Variants in MAP4K4 observed in about 807,000 individuals in gnomAD.
MAP4K4 encodes HPK/GCK-like kinase HGK.
MAP4K4 carries 38 observed loss-of-function variants against 189.6 expected under a neutral mutation model. The observed-to-expected ratio is 0.20, with a 90% CI of 0.15 to 0.26. The LOEUF (loss-of-function observed/expected upper bound fraction) is 0.26. Ranked by LOEUF, MAP4K4 falls within the 10% of genes least tolerant of loss-of-function variation. The pLI is 1.00. For missense variants in MAP4K4, 1,054 were observed against 1,726.9 expected, an observed-to-expected ratio of 0.61 and a Z score of 6.91; for synonymous variants, 610 against 624.3, an observed-to-expected ratio of 0.98 and a Z score of 0.34.
At chr2:101,751,025 AC>A (rs1247020525) in intron 2 of MAP4K4, among the ~76,000 whole-genome samples, 1 of 151,956 alleles carries the variant, frequency 6.6e-6, no homozygotes, top group Non-Finnish European at 1.5e-5. Context: ...CAACACTGAT[AC>A]CTGCCACTGG....
At chr2:101,837,585 A>C (rs1272133315) in intron 9 of MAP4K4, among the ~76,000 whole-genome samples, 1 of 152,164 alleles carries the variant, frequency 6.6e-6, no homozygotes, top group East Asian at 1.9e-4. Context: ...ACGGGTGGCC[A>C]CGCCTAGGGA....
At chr2:101,879,611 C>T (rs755615233) in intron 27 of MAP4K4, among the ~76,000 whole-genome samples, 11 of 152,194 alleles carry the variant, frequency 7.2e-5, no homozygotes, top group Non-Finnish European at 1.6e-4. Context: ...GATAAGCATA[C>T]AGCTCAATGA....
chr2:101,759,996 A>C (rs373057417), intron 2 of MAP4K4, among the ~76,000 whole-genome samples: 11 of 151,600 alleles, frequency 7.3e-5, no homozygotes, highest in East Asian at 4.0e-4. Context: ...GGTGCACGCC[A>C]CCACACCTGG....
In MAP4K4 at chr2:101,740,274, C is replaced by T. The variant is rs1304421742; in HGVS notation, c.123+41736C>T. 2.4e-5 allele frequency among the ~76,000 whole-genome samples: 3 copies of T among 124,402 alleles called. 1 individual carries two copies. Among genetic ancestry groups the T allele is most frequent in the African/African-American group, 1.5e-4 (3 of 19,412 alleles). 81.6% of individuals were successfully genotyped at this position (124,402 alleles called of 152,430 possible). ...GTTCACGCTATTCTCCTGCCTCAGC[C>T]TCCCAAGTAGCTGGGACTACAGGCG... is the stretch of plus-strand genomic sequence containing the variant. On this transcript the variant is annotated intron_variant, in intron 2 of 32. Transcript: ENST00000324219.
At chr2:101,803,338 A>G (rs1223190547) in intron 3 of MAP4K4, among the ~76,000 whole-genome samples, 1 of 151,910 alleles carries the variant, frequency 6.6e-6, no homozygotes, top group Non-Finnish European at 1.5e-5. Flanking sequence ...CCATGAAACT[A>G]TTTGATGATT....
chr2:101,852,138 T>TG (rs2097305639), intron 12 of MAP4K4, among the ~76,000 whole-genome samples: 1 of 140,396 alleles, frequency 7.1e-6, no homozygotes, highest in Non-Finnish European at 1.6e-5. Context: ...AAAGGAGGTG[T>TG]TTTTTTTTTT....
chr2:101,748,179 C>T (rs1194403445), intron 2 of MAP4K4, among the ~76,000 whole-genome samples: 3 of 152,148 alleles, frequency 2.0e-5, no homozygotes, highest in Non-Finnish European at 4.4e-5. Flanking sequence ...TTTGTAAATA[C>T]TGTACCTTGC....
chr2:101,834,280 C>A, intron 7 of MAP4K4, 129 bp from the exon 8 acceptor site: 1 of 495,296 alleles, frequency 2.0e-6, no homozygotes, highest in Non-Finnish European at 4.0e-6. Context: ...TACAAATGTG[C>A]TTGTACTTTT....
chr2:101,758,382 T>C (rs907579435), intron 2 of MAP4K4, among the ~76,000 whole-genome samples: 8 of 152,200 alleles, frequency 5.3e-5, no homozygotes, highest in African/African-American at 1.9e-4. Context: ...TAGTTCACCT[T>C]TGAACAACAT....
intron 3 of MAP4K4, among the ~76,000 whole-genome samples, chr2:101,797,954 G>A (rs1038180232): frequency 8.2e-6 from 1 of 122,346 alleles, no homozygotes; most frequent in Non-Finnish European, 1.6e-5. Context: ...GAGTGCACAA[G>A]TCTAGCTGTG....
At chr2:101,874,009 A>G in intron 25 of MAP4K4, 73 bp from the exon 26 acceptor site, 1 of 1,269,416 alleles carries the variant, frequency 7.9e-7, no homozygotes, top group Non-Finnish European at 1.1e-6. Context: ...ATTTACTTGA[A>G]GTATACTGGG....
At chr2:101,789,840 C>T (rs923337016) in intron 2 of MAP4K4, among the ~76,000 whole-genome samples, 38 of 152,152 alleles carry the variant, frequency 2.5e-4, no homozygotes, top group African/African-American at 9.1e-4. Flanking sequence ...AGTAATTAAA[C>T]CCAGTACTCC....
At chr2:101,816,085 T>C (rs1472518958) in intron 3 of MAP4K4, among the ~76,000 whole-genome samples, 1 of 152,216 alleles carries the variant, frequency 6.6e-6, no homozygotes, top group Non-Finnish European at 1.5e-5. Flanking sequence ...TTGGGTTTCC[T>C]TTCCCTTTGC....
chr2:101,703,642 G>T (rs1012558147), intron 2 of MAP4K4, among the ~76,000 whole-genome samples: 7 of 149,632 alleles, frequency 4.7e-5, no homozygotes, highest in African/African-American at 1.7e-4. Flanking sequence ...AAAAAAAGGC[G>T]GGGGTGGGGT....
At chr2:101,817,919 G>A (rs1364000521) in intron 3 of MAP4K4, among the ~76,000 whole-genome samples, 1 of 152,112 alleles carries the variant, frequency 6.6e-6, no homozygotes, top group Non-Finnish European at 1.5e-5. Flanking sequence ...TAAGGAACAT[G>A]TAATTTCTTC....
At chr2:101,871,438 C>T (rs2098018635) in intron 23 of MAP4K4, 56 bp from the exon 24 acceptor site, 1 of 1,393,694 alleles carries the variant, frequency 7.2e-7, no homozygotes, top group Non-Finnish European at 9.7e-7. Flanking sequence ...ATCAATAGGG[C>T]CATAGGCAAT....
At chr2:101,722,638 A>C (rs192655378) in intron 2 of MAP4K4, among the ~76,000 whole-genome samples, 11 of 152,104 alleles carry the variant, frequency 7.2e-5, no homozygotes, top group Non-Finnish European at 1.2e-4. Flanking sequence ...TTCCTTTGAG[A>C]GTGTATTGTT....
chr2:101,883,922 C>T (rs2098445405), intron 28 of MAP4K4, among the ~76,000 whole-genome samples: 1 of 151,986 alleles, frequency 6.6e-6, no homozygotes, highest in Non-Finnish European at 1.5e-5. Context: ...TTAGGGTTTT[C>T]TGTGTTTATG....
chr2:101,852,618 A>AT (rs898485106), intron 12 of MAP4K4, among the ~76,000 whole-genome samples: 4 of 151,952 alleles, frequency 2.6e-5, no homozygotes, highest in African/African-American at 9.7e-5. Flanking sequence ...TTTGCTTGCT[A>AT]TTTTTTCTTT....
Sources: gnomAD v4.1 joint callset for allele counts (sites outside exome capture counted in the v4.1 genomes callset) on GRCh38, gnomAD v4.1.1 for gene constraint, MANE v1.5 for transcripts, NCBI Gene and HGNC (gene_info 2026-07-23, HGNC 2026-07-21) for gene names.